Variants in CDH12 observed in about 807,000 individuals in gnomAD.
The protein encoded by CDH12 is cadherin-12.
CDH12 carries 41 observed loss-of-function variants against 74.1 expected under a neutral mutation model. The observed-to-expected ratio is 0.55, with a 90% CI of 0.43 to 0.72. The LOEUF is 0.72. Among genes scored for constraint, CDH12 ranks in the 30% least tolerant of loss-of-function variants. The pLI is 0.00. For synonymous variants in CDH12, 399 were observed against 355.0 expected (o/e 1.12, Z -1.39); for missense variants, 945 against 977.2 (o/e 0.97, Z 0.44).
At chr5:22,456,431 G>A (rs1313626) in intron 2 of CDH12, among the ~76,000 whole-genome samples, 71,679 of 151,680 alleles carry the variant, frequency 0.47, 17,315 homozygotes, top group Admixed American at 0.65. Context: ...AACTTCACAT[G>A]CTGATACTCT....
chr5:22,453,985 T>C (rs994474186), intron 2 of CDH12, among the ~76,000 whole-genome samples: 6 of 152,164 alleles, frequency 3.9e-5, no homozygotes, highest in African/African-American at 1.4e-4. Context: ...AAGATATCTA[T>C]TATTTTGAAT....
At chr5:21,885,112 C>T (rs1267677513) in intron 6 of CDH12, among the ~76,000 whole-genome samples, 1 of 152,020 alleles carries the variant, frequency 6.6e-6, no homozygotes, top group Admixed American at 6.6e-5. Flanking sequence ...ATCTGGAACT[C>T]CTGACCTCAG....
chr5:22,416,787 T>C (rs898223759), intron 2 of CDH12, among the ~76,000 whole-genome samples: 22 of 152,356 alleles, frequency 1.4e-4, no homozygotes, highest in African/African-American at 5.3e-4. Flanking sequence ...GCAATGTTTT[T>C]AAGGGAATTG....
intron 1 of CDH12, among the ~76,000 whole-genome samples, chr5:22,715,070 G>A (rs1480643726): frequency 6.6e-6 from 1 of 152,024 alleles, no homozygotes; most frequent in Non-Finnish European, 1.5e-5. Context: ...CCTTAACTTT[G>A]CCATCCTGCA....
At chr5:22,608,168 T>C (rs1737213329) in intron 1 of CDH12, among the ~76,000 whole-genome samples, 1 of 150,988 alleles carries the variant, frequency 6.6e-6, no homozygotes, top group African/African-American at 2.4e-5. Flanking sequence ...TGCCAGCCCA[T>C]AAAAGCAGCC....
chr5:21,867,351 G>T (rs1751384951), intron 6 of CDH12, among the ~76,000 whole-genome samples: 1 of 152,096 alleles, frequency 6.6e-6, no homozygotes, highest in South Asian at 2.1e-4. Context: ...GTGAGACTTT[G>T]TCTCAAAAAA....
intron 3 of CDH12, among the ~76,000 whole-genome samples, chr5:22,286,151 T>C (rs1440812581): frequency 6.6e-6 from 1 of 152,156 alleles, no homozygotes; most frequent in African/African-American, 2.4e-5. Context: ...TATTTCCCAA[T>C]TTCTGCAGAT....
chr5:22,777,439 G>T (rs1561023968), intron 1 of CDH12, among the ~76,000 whole-genome samples: 2 of 151,858 alleles, frequency 1.3e-5, no homozygotes, highest in Non-Finnish European at 2.9e-5. Flanking sequence ...TCTAATTTTG[G>T]GTCTGGATTA....
intron 1 of CDH12, among the ~76,000 whole-genome samples, chr5:22,537,592 G>A (rs1737908564): frequency 6.6e-6 from 1 of 151,990 alleles, no homozygotes; most frequent in Admixed American, 6.6e-5. Context: ...CTCCCCTCTG[G>A]CCGGAGAGAT....
In CDH12 at chr5:22,697,654, G is replaced by A. The variant is rs11747818; in HGVS notation, c.-523+155404C>T. Among the ~76,000 whole-genome samples, 1,367 of 151,738 alleles carry A rather than the reference G, an allele frequency of 9.0e-3. 10 individuals carry two copies. The highest frequency in any genetic ancestry group is 0.016 in the Admixed American group (247 of 15,242). On this transcript the variant is annotated intron_variant, in intron 1 of 14. Coordinates refer to ENST00000382254, the MANE Select transcript of CDH12 (RefSeq NM_004061.5). ...TATCTATTCAATTATCCACTCTGAAGTATTTTCCAAATACTTTGGCAAAGC... is the reference window on the plus strand; with the variant it reads ...TATCTATTCAATTATCCACTCTGAAATATTTTCCAAATACTTTGGCAAAGC...
intron 1 of CDH12, among the ~76,000 whole-genome samples, chr5:22,707,800 A>C (rs1743093385): frequency 6.6e-6 from 1 of 152,144 alleles, no homozygotes. Flanking sequence ...TTGATGCTAA[A>C]ACTTTTTTTT....
At chr5:22,274,499 A>G (rs1213165153) in intron 3 of CDH12, among the ~76,000 whole-genome samples, 1 of 152,034 alleles carries the variant, frequency 6.6e-6, no homozygotes, top group Non-Finnish European at 1.5e-5. Flanking sequence ...TGGACAATCA[A>G]TTTTTTAAAT....
chr5:22,794,578 C>T (rs967085000), intron 1 of CDH12, among the ~76,000 whole-genome samples: 1 of 151,990 alleles, frequency 6.6e-6, no homozygotes, highest in Non-Finnish European at 1.5e-5. Context: ...TATTTTATTT[C>T]GTTTTAAATG....
chr5:22,360,388 T>C (rs1043196953), intron 3 of CDH12, among the ~76,000 whole-genome samples: 7 of 152,036 alleles, frequency 4.6e-5, no homozygotes, highest in African/African-American at 9.7e-5. Flanking sequence ...CAGGAAGAAG[T>C]TGAATCTCTG....
chr5:22,621,873 CA>C (rs1197359233), intron 1 of CDH12, among the ~76,000 whole-genome samples: 6 of 152,010 alleles, frequency 3.9e-5, no homozygotes, highest in Non-Finnish European at 5.9e-5. Flanking sequence ...TGTAAAAACA[CA>C]AAAAACTAGG....
At chr5:22,734,089 A>G (rs1312868943) in intron 1 of CDH12, among the ~76,000 whole-genome samples, 6 of 152,018 alleles carry the variant, frequency 3.9e-5, no homozygotes, top group Admixed American at 3.9e-4. Flanking sequence ...TTTTTAAAAT[A>G]CATTGTGTCT....
chr5:22,775,918 G>C (rs930292465), intron 1 of CDH12, among the ~76,000 whole-genome samples: 9 of 152,152 alleles, frequency 5.9e-5, no homozygotes, highest in Non-Finnish European at 1.2e-4. Context: ...TAGTGAATAA[G>C]TCCCTTGAGA....
At chr5:22,604,751 G>T (rs1453398059) in intron 1 of CDH12, among the ~76,000 whole-genome samples, 4 of 152,212 alleles carry the variant, frequency 2.6e-5, no homozygotes, top group Non-Finnish European at 5.9e-5. Flanking sequence ...GGGCACTGTT[G>T]TGCTCACCCA....
intron 4 of CDH12, among the ~76,000 whole-genome samples, chr5:22,168,622 A>G (rs1333968630): frequency 6.6e-6 from 1 of 151,884 alleles, no homozygotes; most frequent in African/African-American, 2.4e-5. Context: ...CACAATTCGG[A>G]TTTTGTTTGT....
Sources: gnomAD v4.1 joint callset for allele counts (sites outside exome capture counted in the v4.1 genomes callset) on GRCh38, gnomAD v4.1.1 for gene constraint, MANE v1.5 for transcripts, NCBI Gene and HGNC (gene_info 2026-07-23, HGNC 2026-07-21) for gene names.